EPHA8: variants seen among roughly 807,000 people sequenced by gnomAD.
EPHA8 encodes the protein ephrin type-A receptor 8.
Under a neutral mutation model 103.6 loss-of-function variants are expected in EPHA8, and 58 were observed. The observed-to-expected ratio is 0.56, with a 90% CI of 0.45 to 0.70. The LOEUF (loss-of-function observed/expected upper bound fraction) is 0.70. Among genes scored for constraint, EPHA8 ranks in the 30% least tolerant of loss-of-function variants. EPHA8 has a pLI of 0.00. For synonymous variants in EPHA8, 559 were observed against 572.5 expected (o/e 0.98, Z 0.34); for missense variants, 1,304 against 1,395.2 (o/e 0.93, Z 1.04).
chr1:22,570,189 C>G (rs955031801), intron 2 of EPHA8, among the ~76,000 whole-genome samples: 3 of 152,250 alleles, frequency 2.0e-5, no homozygotes, highest in Admixed American at 1.3e-4. Context: ...CGTGTGTTCT[C>G]TCACACAGTT....
Position 22,589,240 on chromosome 1 carries a change from G to T in EPHA8, c.1315+34G>T. 6.2e-7 allele frequency: 1 copy of T among 1,614,018 alleles called. No individual in the cohort carries two copies. The highest frequency in any genetic ancestry group is 8.5e-7 in the Non-Finnish European group (1 of 1,180,020). The stretch of plus-strand genomic sequence containing the variant: ...AGAAACTCCGTCCCGCAGCGTCCTG[G>T]TCCCCCAGCTTCCCCTGCCTCAGAC... On this transcript the variant is annotated intron_variant, in intron 5 of 16. Transcript: ENST00000166244. This position sits in a 1 kb window ranked among gnomAD's most constrained non-coding sequence, Gnocchi z 4.3.
At chr1:22,573,567 C>T (rs1056640448) in intron 2 of EPHA8, among the ~76,000 whole-genome samples, 1 of 152,178 alleles carries the variant, frequency 6.6e-6, no homozygotes, top group Admixed American at 6.5e-5. Context: ...CCCCTTTAAG[C>T]AATAGGATCT....
At position 22,569,507 on chromosome 1, in the gene EPHA8, T is replaced by C. The variant is rs1640462862; in HGVS notation, c.159+154T>C. On this transcript the variant is annotated intron_variant, in intron 2 of 16. Coordinates refer to ENST00000166244, the MANE Select transcript of EPHA8 (RefSeq NM_020526.5). The surrounding 1 kb of genome is among the most constrained non-coding windows in gnomAD (Gnocchi z 4.5). The stretch of plus-strand genomic sequence containing the variant: ...CACACAGCAGTTAGTGCTGCTGATC[T>C]CTTAACAGTTTAGTGCATACAGACC... Among the ~76,000 whole-genome samples the C allele has an allele frequency of 6.6e-6, 1 of 152,202 alleles. No homozygotes were observed. Among genetic ancestry groups the C allele is most frequent in the African/African-American group, 2.4e-5 (1 of 41,446 alleles).
In EPHA8 at chr1:22,579,115, GTACGTGTATGTGTGCA is replaced by G. The variant is rs1180060743; in HGVS notation, c.823+2237_823+2252del. 1.2e-3 allele frequency among the ~76,000 whole-genome samples: 154 copies of G among 126,426 alleles called. 3 individuals are homozygous for G. In the East Asian group the frequency reaches 0.024, roughly 20 times the overall value. 82.9% of individuals were successfully genotyped at this position (126,426 alleles called of 152,430 possible). A position where few individuals can be genotyped will look rare whatever the true frequency, so the allele number is the denominator to read the frequency against. ...TGTGTGCATGTGTATGTGTGCATGT[GTACGTGTATGTGTGCA>G]TGTGTGTGTGCATATGTGCAAGAGT... is the stretch of plus-strand genomic sequence containing the variant. On this transcript the variant is annotated intron_variant, in intron 3 of 16. Coordinates refer to ENST00000166244, the MANE Select transcript of EPHA8 (RefSeq NM_020526.5).
At position 22,601,749 on chromosome 1, in the gene EPHA8, C is replaced by T; in HGVS notation, c.*8C>T. 1.3e-6 allele frequency: 2 copies of T among 1,551,978 alleles called. No homozygotes were observed. The highest frequency in any genetic ancestry group is 8.7e-7 in the Non-Finnish European group (1 of 1,148,168). The stretch of plus-strand genomic sequence containing the variant: ...CCCCGCCGGCACCTCTGATGTACAG[C>T]CAGCAGGGCCCAGGCAGCCACCAAG... On this transcript the variant is annotated 3_prime_UTR_variant, in exon 17 of 17. Transcript: ENST00000166244.
At position 22,597,293 on chromosome 1, in the gene EPHA8, C is replaced by A; in HGVS notation, c.1766-19C>A. 1 of 1,536,770 alleles carries A rather than the reference C, an allele frequency of 6.5e-7. No homozygotes were observed. Among genetic ancestry groups the A allele is most frequent in the Non-Finnish European group, 9.0e-7 (1 of 1,116,960 alleles). On this transcript the variant is annotated intron_variant, in intron 9 of 16. Transcript: ENST00000166244. The surrounding 1 kb of genome is among the most constrained non-coding windows in gnomAD (Gnocchi z 4.6). ...AATCTCTCCTGGGCCCCACTGAAGG[C>A]CCTCCTCCCGCCCCTCAGCACCCCC...
chr1:22,570,528 C>T (rs867888450), intron 2 of EPHA8, among the ~76,000 whole-genome samples: 7 of 152,392 alleles, frequency 4.6e-5, no homozygotes, highest in South Asian at 4.1e-4. Flanking sequence ...ATGATAACGA[C>T]ACCAACAGGT....
At chr1:22,586,661 A>C (rs757907231) in intron 4 of EPHA8, 26 bp downstream of exon 4, 20 of 1,608,202 alleles carry the variant, frequency 1.2e-5, no homozygotes, top group South Asian at 4.4e-5. Context: ...AGATGCCAGT[A>C]CCCTTGAGCC....
In EPHA8 at chr1:22,596,159, A is replaced by G. The variant is rs2148263800; in HGVS notation, c.1751A>G (p.Tyr584Cys). The G allele has an allele frequency of 6.2e-7, 1 of 1,613,960 alleles. No homozygotes were observed. The highest frequency in any genetic ancestry group is 1.7e-5 in the Admixed American group (1 of 60,020). ...FQDSDEEKMH[Y>C]QNGQAPPPVF... ...GACTCGGACGAGGAGAAGATGCACT[A>G]TCAGAATGGACAGGGTGAGTGCAGG... The change falls in exon 9 of 17, where the codon TAT (tyrosine) becomes TGT (cysteine). Residue 584 changes from tyrosine (Y) to cysteine (C), a missense_variant. Physicochemically the swap from Tyr to Cys is radical, Grantham distance 194. Coordinates refer to ENST00000166244, the MANE Select transcript of EPHA8 (RefSeq NM_020526.5).
At chr1:22,578,819 ATGTGCATGCCTGTGTGTATATGCATG>A (rs1479539884) in intron 3 of EPHA8, among the ~76,000 whole-genome samples, 4 of 147,550 alleles carry the variant, frequency 2.7e-5, no homozygotes, top group South Asian at 2.2e-4. Flanking sequence ...GTATGTGTAC[ATGTGCATGCCTGTGTGTATATGCATG>A]TGTGCATGCA....
At chr1:22,580,196 A>G (rs1250642331) in intron 3 of EPHA8, among the ~76,000 whole-genome samples, 13 of 136,376 alleles carry the variant, frequency 9.5e-5, no homozygotes, top group Middle Eastern at 8.4e-3. Context: ...CTGGAGTGCA[A>G]TGGGGTGATC....
intron 3 of EPHA8, among the ~76,000 whole-genome samples, chr1:22,577,462 G>A (rs1420076262): frequency 1.3e-5 from 2 of 152,140 alleles, no homozygotes; most frequent in Non-Finnish European, 2.9e-5. Flanking sequence ...AGGGTGGAGG[G>A]AAGTGGGACC....
Position 22,576,543 on chromosome 1 carries a change from G to C in EPHA8, c.486G>C (p.Arg162=), listed in dbSNP as rs753817640. The change falls in exon 3 of 17, where the codon CGG becomes CGC. Residue 162 remains arginine (R), a synonymous_variant. Coordinates refer to ENST00000166244, the MANE Select transcript of EPHA8 (RefSeq NM_020526.5). The surrounding 1 kb of genome is among the most constrained non-coding windows in gnomAD (Gnocchi z 4.8). The part of the protein sequence containing the change: ...ESFTGADLGV[R]RLKLNTEVRS... ...TCACAGGTGCCGACCTTGGTGTGCG[G>C]CGTCTCAAGCTCAACACGGAGGTGC... 2.5e-6 allele frequency: 4 copies of C among 1,614,168 alleles called. No individual in the cohort carries two copies. The highest frequency in any genetic ancestry group is 3.4e-6 in the Non-Finnish European group (4 of 1,180,044).
intron 3 of EPHA8, among the ~76,000 whole-genome samples, chr1:22,579,184 C>T (rs566242325): frequency 1.2e-4 from 17 of 136,750 alleles, no homozygotes; most frequent in Admixed American, 3.7e-4. Flanking sequence ...TGCATGTGTG[C>T]GTGAATATAT....
intron 3 of EPHA8, among the ~76,000 whole-genome samples, chr1:22,578,472 ATGTGCATGAGTG>A (rs1399747767): frequency 7.1e-6 from 1 of 140,662 alleles, no homozygotes; most frequent in Non-Finnish European, 1.5e-5. Context: ...ATGTGTGTGC[ATGTGCATGAGTG>A]TGTGCATGTG....
In EPHA8 at chr1:22,589,145, G is replaced by A; in HGVS notation, c.1254G>A (p.Val418=). 1.2e-6 allele frequency: 2 copies of A among 1,613,894 alleles called. No homozygotes were observed. The highest frequency in any genetic ancestry group is 1.3e-5 in the African/African-American group (1 of 75,072). Residue 418 remains valine (V), a synonymous_variant, in exon 5 of 17, where the codon GTG becomes GTA. Coordinates refer to ENST00000166244, the MANE Select transcript of EPHA8 (RefSeq NM_020526.5). This position sits in a 1 kb window ranked among gnomAD's most constrained non-coding sequence, Gnocchi z 4.3. ...TCTGGATCGAGGCCGTCAATGGCGTGTCCGACCTGAGCCCCGAGCCCCGCC... is the reference window on the plus strand; with the variant it reads ...TCTGGATCGAGGCCGTCAATGGCGTATCCGACCTGAGCCCCGAGCCCCGCC... ...YSFWIEAVNG[V]SDLSPEPRRA...
At position 22,600,693 on chromosome 1, in the gene EPHA8, A is replaced by G. The variant is rs1641698089; in HGVS notation, c.2421A>G (p.Pro807=). The G allele has an allele frequency of 6.2e-7, 1 of 1,613,582 alleles. No individual in the cohort carries two copies. The highest frequency in any genetic ancestry group is 8.5e-7 in the Non-Finnish European group (1 of 1,179,868). The change falls in exon 14 of 17, where the codon CCA becomes CCG. Residue 807 remains proline (P), a synonymous_variant. Coordinates refer to ENST00000166244, the MANE Select transcript of EPHA8 (RefSeq NM_020526.5). ...AGATCCCCATCCGCTGGACGGCCCC[A>G]GAGGCCATCGCCTTCCGCACCTTCT... ...GGKIPIRWTA[P]EAIAFRTFSS... is the part of the protein sequence containing the mutation.
intron 2 of EPHA8, among the ~76,000 whole-genome samples, chr1:22,574,310 G>A (rs544473569): frequency 6.6e-6 from 1 of 152,158 alleles, no homozygotes; most frequent in African/African-American, 2.4e-5. Context: ...GTTTATTCTG[G>A]TGAAATACAC....
chr1:22,564,696 C>A (rs1640306450), intron 1 of EPHA8, among the ~76,000 whole-genome samples: 1 of 152,100 alleles, frequency 6.6e-6, no homozygotes, highest in Admixed American at 6.5e-5. Context: ...CCAGCTCCAT[C>A]CAGCTCAGGA....
Sources: gnomAD v4.1 joint callset for allele counts (sites outside exome capture counted in the v4.1 genomes callset) on GRCh38, gnomAD v4.1.1 for gene constraint, Gnocchi (gnomAD v3.1) non-coding constraint, MANE v1.5 for transcripts, NCBI Gene and HGNC (gene_info 2026-07-23, HGNC 2026-07-21) for gene names.